AGBL4: variants seen among roughly 807,000 people sequenced by gnomAD.
The protein encoded by AGBL4 is cytosolic carboxypeptidase 6.
A neutral mutation model predicts 66.4 loss-of-function variants in AGBL4; 58 were observed. That is an observed-to-expected ratio of 0.87 (90% CI 0.71 to 1.09). AGBL4 has a LOEUF of 1.09. Ranked by LOEUF, AGBL4 falls within the 50% of genes least tolerant of loss-of-function variation. AGBL4 has a pLI of 0.00. For synonymous variants in AGBL4, 234 were observed against 222.9 expected, an observed-to-expected ratio of 1.05 and a Z score of -0.44; for missense variants, 579 against 631.0, an observed-to-expected ratio of 0.92 and a Z score of 0.88.
At chr1:49,100,652 C>T (rs751038652) in intron 4 of AGBL4, among the ~76,000 whole-genome samples, 2 of 152,118 alleles carry the variant, frequency 1.3e-5, no homozygotes, top group African/African-American at 4.8e-5. Flanking sequence ...GATTGTAAGT[C>T]CAAGTTGGCA....
chr1:49,282,368 A>C (rs1276898890), intron 3 of AGBL4, among the ~76,000 whole-genome samples: 1 of 152,208 alleles, frequency 6.6e-6, no homozygotes, highest in African/African-American at 2.4e-5. Flanking sequence ...TTTGTCTCAA[A>C]AAAAGGAGTA....
At chr1:49,761,120 A>C (rs1652275939) in intron 2 of AGBL4, among the ~76,000 whole-genome samples, 1 of 150,618 alleles carries the variant, frequency 6.6e-6, no homozygotes, top group African/African-American at 2.4e-5. Flanking sequence ...CATGTTCTGC[A>C]CATGCATCCC....
intron 6 of AGBL4, among the ~76,000 whole-genome samples, chr1:48,677,317 C>G (rs781264574): frequency 1.3e-5 from 2 of 152,188 alleles, no homozygotes; most frequent in African/African-American, 2.4e-5. Context: ...AAAACGTAAG[C>G]TGCATGCATG....
intron 6 of AGBL4, among the ~76,000 whole-genome samples, chr1:48,670,891 C>T (rs987934746): frequency 6.6e-5 from 10 of 152,204 alleles, no homozygotes; most frequent in South Asian, 2.1e-4. Flanking sequence ...AGATTGCTCT[C>T]GGGAAGGCTT....
chr1:49,301,525 T>C (rs555551895), intron 3 of AGBL4, among the ~76,000 whole-genome samples: 2 of 152,296 alleles, frequency 1.3e-5, no homozygotes, highest in Admixed American at 6.5e-5. Flanking sequence ...GAAACTGCCT[T>C]TGTAAAACTA....
intron 3 of AGBL4, among the ~76,000 whole-genome samples, chr1:49,439,551 G>A (rs548199229): frequency 7.9e-5 from 12 of 152,264 alleles, no homozygotes; most frequent in Admixed American, 2.6e-4. Flanking sequence ...TGAAGGATGC[G>A]AAGTACCGAT....
intron 1 of AGBL4, among the ~76,000 whole-genome samples, chr1:49,888,902 A>G (rs1648348697): frequency 1.3e-5 from 2 of 152,222 alleles, no homozygotes; most frequent in Admixed American, 6.5e-5. Context: ...AGCATGTACT[A>G]TATGTTCAGC....
intron 6 of AGBL4, among the ~76,000 whole-genome samples, chr1:48,706,502 A>G (rs1646882200): frequency 6.6e-6 from 1 of 152,112 alleles, no homozygotes; most frequent in Non-Finnish European, 1.5e-5. Context: ...ATTATGTCAA[A>G]GAATAAAAAA....
At chr1:48,834,102 G>A (rs968384691) in intron 6 of AGBL4, among the ~76,000 whole-genome samples, 1 of 152,110 alleles carries the variant, frequency 6.6e-6, no homozygotes, top group Non-Finnish European at 1.5e-5. Flanking sequence ...TCTTCCTTCC[G>A]ATTTCTCCCT....
chr1:49,471,132 A>G (rs1646734181), intron 3 of AGBL4, among the ~76,000 whole-genome samples: 1 of 152,080 alleles, frequency 6.6e-6, no homozygotes, highest in Non-Finnish European at 1.5e-5. Flanking sequence ...AGGAATACAC[A>G]TAACAATCTC....
At chr1:49,563,934 G>T (rs957530146) in intron 3 of AGBL4, among the ~76,000 whole-genome samples, 11 of 152,080 alleles carry the variant, frequency 7.2e-5, no homozygotes, top group Non-Finnish European at 1.3e-4. Context: ...GAATCCATCT[G>T]GTCCTGGACT....
intron 6 of AGBL4, among the ~76,000 whole-genome samples, chr1:48,860,340 C>T (rs1176190797): frequency 6.6e-6 from 1 of 152,184 alleles, no homozygotes; most frequent in Non-Finnish European, 1.5e-5. Flanking sequence ...TATTGTTGGG[C>T]TCCATTGTGG....
intron 9 of AGBL4, among the ~76,000 whole-genome samples, chr1:48,623,843 T>C (rs1352694455): frequency 2.0e-5 from 3 of 152,078 alleles, no homozygotes; most frequent in Non-Finnish European, 4.4e-5. Context: ...ATGGAGTGGG[T>C]TAACTGGAAA....
chr1:49,964,105 G>A lies in AGBL4; in HGVS notation c.34+59658C>T, dbSNP rs537753254. Reference sequence around the variant, plus strand: ...TTAATTTCTCTCATCTTGGTTGACAGAACCAAGTAGGATCTTGTGCGGATT... The same window carrying A: ...TTAATTTCTCTCATCTTGGTTGACAAAACCAAGTAGGATCTTGTGCGGATT... On this transcript the variant is annotated intron_variant, in intron 1 of 13. Coordinates refer to ENST00000371839, the MANE Select transcript of AGBL4 (RefSeq NM_032785.4). 1.8e-4 allele frequency among the ~76,000 whole-genome samples: 27 copies of A among 152,222 alleles called. 1 individual carries two copies. Among genetic ancestry groups the A allele is most frequent in the African/African-American group, 5.3e-4 (22 of 41,558 alleles).
chr1:49,990,524 A>G (rs934761887), intron 1 of AGBL4, among the ~76,000 whole-genome samples: 1 of 152,322 alleles, frequency 6.6e-6, no homozygotes, highest in Admixed American at 6.5e-5. Context: ...CTGTGAGTCA[A>G]TCAAGCCTCT....
intron 3 of AGBL4, among the ~76,000 whole-genome samples, chr1:49,609,051 T>C (rs1315106135): frequency 1.3e-5 from 2 of 152,176 alleles, no homozygotes; most frequent in African/African-American, 4.8e-5. Flanking sequence ...CTGCCATTGA[T>C]GCTACTGTCA....
At chr1:49,607,751 G>A (rs770686191) in intron 3 of AGBL4, among the ~76,000 whole-genome samples, 14 of 152,120 alleles carry the variant, frequency 9.2e-5, no homozygotes, top group Non-Finnish European at 1.9e-4. Flanking sequence ...TCCAGGCACA[G>A]TGTCAGATCT....
At chr1:48,689,278 A>G (rs17104662) in intron 6 of AGBL4, among the ~76,000 whole-genome samples, 14,570 of 151,486 alleles carry the variant, frequency 0.096, 2,318 homozygotes, top group African/African-American at 0.33. Context: ...CCTTATACTC[A>G]GAAAGCCCAG....
intron 3 of AGBL4, among the ~76,000 whole-genome samples, chr1:49,513,103 A>G (rs1649427525): frequency 6.6e-6 from 1 of 152,066 alleles, no homozygotes; most frequent in Admixed American, 6.6e-5. Context: ...AACCTCTGCC[A>G]TGTGGCAGAA....
Sources: allele counts gnomAD v4.1 joint callset (sites outside exome capture counted in the v4.1 genomes callset), GRCh38; gene constraint gnomAD v4.1.1; transcripts MANE v1.5; gene names NCBI Gene and HGNC (gene_info 2026-07-23, HGNC 2026-07-21).